DAO: variants seen among roughly 807,000 people sequenced by gnomAD.
DAO encodes the protein D-amino-acid oxidase.
A neutral mutation model predicts 50.1 loss-of-function variants in DAO; 51 were observed. The ratio of observed to expected loss-of-function variants is 1.02; its 90% confidence interval spans 0.81 to 1.29. DAO has a LOEUF of 1.29. Among genes scored for constraint, DAO ranks in the 50% most tolerant of loss-of-function variants. The pLI, the probability that DAO is intolerant of heterozygous loss-of-function variation, is 0.00. For missense variants in DAO, 436 were observed against 439.4 expected (o/e 0.99, Z 0.07); for synonymous variants, 160 against 166.2 (o/e 0.96, Z 0.29).
intron 1 of DAO, chr12:108,883,752 G>A (rs1304179787): frequency 4.9e-6 from 2 of 410,402 alleles, no homozygotes. Context: ...GCTCGAAGCT[G>A]GAAGGAGAAT....
intron 8 of DAO, 125 bp from the exon 9 acceptor site, chr12:108,898,554 A>G: frequency 1.3e-6 from 1 of 775,266 alleles, no homozygotes; most frequent in Admixed American, 1.7e-5. Context: ...GATGGTGATG[A>G]CAGTGGCAAT....
In DAO at chr12:108,887,573, A is replaced by G; in HGVS notation, c.309+9A>G. The stretch of plus-strand genomic sequence containing the variant: ...TCCATGAAGCCATTCCGGTGGGTGA[A>G]CAGTTCTTGACCATGAGGGATGAGC... On this transcript the variant is annotated intron_variant, in intron 3 of 10. Transcript: ENST00000228476. 1.3e-6 allele frequency: 2 copies of G among 1,595,062 alleles called. No homozygotes were observed. Among genetic ancestry groups the G allele is most frequent in the Middle Eastern group, 3.3e-4 (2 of 6,024 alleles).
At chr12:108,892,593 A>G (rs2039503889) in intron 5 of DAO, among the ~76,000 whole-genome samples, 1 of 152,116 alleles carries the variant, frequency 6.6e-6, no homozygotes. Context: ...GCACTGGTAC[A>G]ACTCTCCCCT....
intron 2 of DAO, among the ~76,000 whole-genome samples, chr12:108,886,476 A>T (rs555757361): frequency 5.3e-5 from 8 of 151,960 alleles, no homozygotes; most frequent in East Asian, 1.9e-4. Context: ...CAAACAGATT[A>T]AAAAAAAATT....
In DAO at chr12:108,900,418, T is replaced by C. The variant is rs754828923; in HGVS notation, c.927T>C (p.Tyr309=). 54 of 1,613,892 alleles carry C rather than the reference T, an allele frequency of 3.3e-5. No individual in the cohort carries two copies. Among genetic ancestry groups the C allele is most frequent in the Admixed American group, 2.7e-4 (16 of 59,982 alleles). Residue 309 remains tyrosine (Y), a synonymous_variant, in exon 11 of 11, where the codon TAT becomes TAC. Transcript: ENST00000228476. The part of the protein sequence containing the change: ...GPSNTEVIHN[Y]GHGGYGLTIH... ...GCCTCTCCTAGGTCATCCACAACTA[T>C]GGCCATGGAGGCTACGGGCTCACCA...
At chr12:108,881,138 T>G (rs142455104) in intron 1 of DAO, among the ~76,000 whole-genome samples, 58 of 144,918 alleles carry the variant, frequency 4.0e-4, no homozygotes, top group African/African-American at 1.5e-3. Context: ...CCCTTCCTGC[T>G]CCACACTTAC....
rs1186787599 is a variant in DAO, at chr12:108,900,764, C to T, written c.*229C>T. ...TCTCTGGGTCTGGCATTATAAAGAA[C>T]AGCTGAGGCTGTCATTCCATGAGTC... On this transcript the variant is annotated 3_prime_UTR_variant, in exon 11 of 11. Transcript: ENST00000228476. 1.9e-5 allele frequency: 9 copies of T among 476,824 alleles called. No homozygotes were observed. The highest frequency in any genetic ancestry group is 3.4e-5 in the Admixed American group (1 of 29,708). The allele number at this position is 476,824 out of a possible 1,614,324, so 29.5% of individuals were successfully genotyped here.
At chr12:108,884,920 C>CA in intron 1 of DAO, 78 bp from the exon 2 acceptor site, 3 of 1,371,110 alleles carry the variant, frequency 2.2e-6, no homozygotes, top group Non-Finnish European at 3.1e-6. Context: ...TCTAAGCCTT[C>CA]AGTGGATGGT....
chr12:108,886,579 C>T (rs898371692), intron 2 of DAO, among the ~76,000 whole-genome samples: 1 of 152,178 alleles, frequency 6.6e-6, no homozygotes, highest in African/African-American at 2.4e-5. Context: ...GATCCTCCCA[C>T]CTCAGCCTCC....
intron 2 of DAO, among the ~76,000 whole-genome samples, 171 bp downstream of exon 2, chr12:108,885,371 G>C (rs1322528429): frequency 6.6e-6 from 1 of 152,190 alleles, no homozygotes; most frequent in Non-Finnish European, 1.5e-5. Context: ...CACTTTGGGA[G>C]GTCGAGGTGG....
chr12:108,884,596 A>G (rs1429086850), intron 1 of DAO, among the ~76,000 whole-genome samples: 1 of 152,186 alleles, frequency 6.6e-6, no homozygotes, highest in Non-Finnish European at 1.5e-5. Context: ...CATCTTGCCC[A>G]AAGTTAACGG....
At position 108,892,971 on chromosome 12, in the gene DAO, G is replaced by A; in HGVS notation, c.453-11G>A. On this transcript the variant is annotated splice_polypyrimidine_tract_variant and intron_variant, in intron 5 of 10. Transcript: ENST00000228476. ...GAATACTGGGCTTTTTGATGTGTTT[G>A]ATCATCCCAGGTTAACTGAGAGGGG... The A allele has an allele frequency of 6.2e-7, 1 of 1,613,822 alleles. No individual in the cohort carries two copies. The highest frequency in any genetic ancestry group is 8.5e-7 in the Non-Finnish European group (1 of 1,179,696).
chr12:108,900,284 G>C, intron 10 of DAO, 120 bp from the exon 11 acceptor site: 2 of 1,278,650 alleles, frequency 1.6e-6, no homozygotes, highest in Non-Finnish European at 2.3e-6. Context: ...AGCTCAGGTG[G>C]CATCTGGCTT....
At chr12:108,893,136 T>G (rs1593163750) in intron 6 of DAO, 100 bp downstream of exon 6, 1 of 1,053,292 alleles carries the variant, frequency 9.5e-7, no homozygotes, top group Non-Finnish European at 1.4e-6. Flanking sequence ...GCTCCTAGGG[T>G]CCCCACAGGC....
chr12:108,898,201 G>T (rs1326213060), intron 8 of DAO, among the ~76,000 whole-genome samples: 1 of 152,120 alleles, frequency 6.6e-6, no homozygotes, highest in Admixed American at 6.6e-5. Flanking sequence ...AATGGAGGTG[G>T]TCTGGTGCTG....
At chr12:108,890,086 A>G in intron 4 of DAO, 122 bp from the exon 5 acceptor site, 1 of 847,034 alleles carries the variant, frequency 1.2e-6, no homozygotes, top group Non-Finnish European at 2.0e-6. Flanking sequence ...AACTTCACGT[A>G]GTGGTCCTGG....
chr12:108,900,556 T>G lies in DAO; in HGVS notation c.*21T>G. 3 of 1,612,554 alleles carry G rather than the reference T, an allele frequency of 1.9e-6. No homozygotes were observed. Among genetic ancestry groups the G allele is most frequent in the Non-Finnish European group, 2.5e-6 (3 of 1,179,198 alleles). ...TCTGAAGACTCCAGTGACTGCTGCC[T>G]CCCCCCACAAGAACTCCCTTCTCCC... On this transcript the variant is annotated 3_prime_UTR_variant, in exon 11 of 11. Coordinates refer to ENST00000228476, the MANE Select transcript of DAO (RefSeq NM_001917.5).
rs992239517 is a variant in DAO, at chr12:108,887,430, A to G, written c.195-20A>G. 2 of 1,588,530 alleles carry G rather than the reference A, an allele frequency of 1.3e-6. No individual in the cohort carries two copies. Among genetic ancestry groups the G allele is most frequent in the Non-Finnish European group, 1.7e-6 (2 of 1,157,032 alleles). On this transcript the variant is annotated intron_variant, in intron 2 of 10. Transcript: ENST00000228476. ...CCAGCTCAGGGCATTGGGTGATCGA[A>G]CTCTTCATGACCCTTCCAGGGACTG... is the stretch of plus-strand genomic sequence containing the variant.
chr12:108,883,855 C>G (rs959145229), intron 1 of DAO: 1 of 290,996 alleles, frequency 3.4e-6, no homozygotes, highest in Non-Finnish European at 7.1e-6. Context: ...GGGCTGGAGC[C>G]GTTTTCCCTC....
Sources: allele counts gnomAD v4.1 joint callset (sites outside exome capture counted in the v4.1 genomes callset), GRCh38; gene constraint gnomAD v4.1.1; transcripts MANE v1.5; gene names NCBI Gene and HGNC (gene_info 2026-07-23, HGNC 2026-07-21).